HAPLN1: variants seen among roughly 807,000 people sequenced by gnomAD.
HAPLN1 encodes hyaluronan and proteoglycan link protein 1, also known as Cartilage link protein.
A neutral mutation model predicts 36.5 loss-of-function variants in HAPLN1; 13 were observed. The observed-to-expected ratio is 0.36, with a 90% CI of 0.23 to 0.57. HAPLN1 has a LOEUF of 0.57. Among genes scored for constraint, HAPLN1 ranks in the 20% least tolerant of loss-of-function variants. The pLI is 0.83. For synonymous variants in HAPLN1, 202 were observed against 169.8 expected (o/e 1.19, Z -1.48); for missense variants, 407 against 439.7 (o/e 0.93, Z 0.66).
At chr5:83,679,562 C>T (rs1421855951) in intron 1 of HAPLN1, among the ~76,000 whole-genome samples, 1 of 152,100 alleles carries the variant, frequency 6.6e-6, no homozygotes, top group Non-Finnish European at 1.5e-5. Context: ...TTTCTCTTTT[C>T]CCTATATTTC....
rs974454896 is a variant in HAPLN1 at position 83,641,645 on chromosome 5, C to T, written c.916G>A (p.Ala306Thr). The T allele has an allele frequency of 1.9e-6, 3 of 1,614,086 alleles. No individual in the cohort carries two copies. Among genetic ancestry groups the T allele is most frequent in the Non-Finnish European group, 2.5e-6 (3 of 1,180,054 alleles). ...WKILGYDRCD[A>T]GWLADGSVRY... is the part of the protein sequence containing the mutation. ...ACGCTGCCATCCGCCAACCAGCCCG[C>T]ATCACAGCGGTCATATCCGAGAATT... Residue 306 changes from alanine to threonine, a missense_variant, in exon 5 of 5, where the codon GCG (alanine) becomes ACG (threonine). Ala to Thr is a moderately conservative substitution (Grantham distance 58). Coordinates refer to ENST00000274341, the MANE Select transcript of HAPLN1 (RefSeq NM_001884.4).
chr5:83,644,314 T>C (rs976121185), intron 4 of HAPLN1, 49 bp downstream of exon 4: 2 of 1,341,210 alleles, frequency 1.5e-6, no homozygotes, highest in African/African-American at 3.0e-5. Flanking sequence ...TGTTATAGTA[T>C]GGAATAGTCT....
At chr5:83,677,994 G>A (rs1041382904) in intron 1 of HAPLN1, among the ~76,000 whole-genome samples, 1 of 152,060 alleles carries the variant, frequency 6.6e-6, no homozygotes, top group African/African-American at 2.4e-5. Flanking sequence ...GAAACTCTGG[G>A]GGATGGGGCC....
At chr5:83,688,613 C>A (rs568819925) in intron 1 of HAPLN1, among the ~76,000 whole-genome samples, 14 of 128,680 alleles carry the variant, frequency 1.1e-4, no homozygotes, top group African/African-American at 4.1e-4. Flanking sequence ...ATTTCCTGTG[C>A]TAGTATTTGC....
At chr5:83,691,753 A>G (rs1751280159) in intron 1 of HAPLN1, among the ~76,000 whole-genome samples, 1 of 151,946 alleles carries the variant, frequency 6.6e-6, no homozygotes, top group Non-Finnish European at 1.5e-5. Context: ...CAATAATAAT[A>G]GTAATAATAA....
At chr5:83,642,753 A>G (rs1324315197) in intron 4 of HAPLN1, among the ~76,000 whole-genome samples, 7 of 152,162 alleles carry the variant, frequency 4.6e-5, no homozygotes, top group Admixed American at 4.6e-4. Context: ...GACTGAGATG[A>G]TGTGATTTGG....
intron 1 of HAPLN1, among the ~76,000 whole-genome samples, chr5:83,699,038 A>G (rs1751450550): frequency 6.6e-6 from 1 of 152,204 alleles, no homozygotes. Flanking sequence ...TTTAATTCCC[A>G]TTTAGTATAT....
intron 1 of HAPLN1, among the ~76,000 whole-genome samples, chr5:83,713,041 T>C (rs952025946): frequency 2.6e-5 from 4 of 152,286 alleles, no homozygotes; most frequent in Middle Eastern, 3.4e-3. Flanking sequence ...AACTCATTTA[T>C]ATGGTAAGCT....
intron 1 of HAPLN1, chr5:83,685,979 A>T (rs1751110932): frequency 6.6e-6 from 1 of 152,054 alleles, no homozygotes; most frequent in Admixed American, 6.6e-5. Context: ...TTTCCACACA[A>T]GTTCTCGAAG....
chr5:83,715,280 A>T (rs1296552347), intron 1 of HAPLN1, among the ~76,000 whole-genome samples: 1 of 152,232 alleles, frequency 6.6e-6, no homozygotes, highest in Admixed American at 6.5e-5. Flanking sequence ...TGCATGAGTG[A>T]ACCTCATTCA....
Position 83,644,448 on chromosome 5 carries a change from G to A in HAPLN1, c.690C>T (p.Asn230=), listed in dbSNP as rs777070069. Residue 230 remains asparagine (N), a synonymous_variant, in exon 4 of 5, where the codon AAC becomes AAT. Transcript: ENST00000274341. ...TKPREPCGGQ[N]TVPGVRNYGF... The stretch of plus-strand genomic sequence containing the variant: ...CGTAGTTCCTGACTCCGGGCACTGT[G>A]TTCTGCCCCCCACAGGGCTCTCTGG... The A allele has an allele frequency of 6.2e-7, 1 of 1,613,296 alleles. No homozygotes were observed. The highest frequency in any genetic ancestry group is 1.1e-5 in the South Asian group (1 of 90,910).
chr5:83,695,322 C>T (rs191191105), intron 1 of HAPLN1, among the ~76,000 whole-genome samples: 3,409 of 151,798 alleles, frequency 0.022, 114 homozygotes, highest in African/African-American at 0.078. Context: ...GATGGGGTTT[C>T]GCCATGTTGG....
intron 1 of HAPLN1, among the ~76,000 whole-genome samples, chr5:83,704,123 A>G (rs1474016213): frequency 7.0e-6 from 1 of 143,376 alleles, no homozygotes; most frequent in East Asian, 2.1e-4. Flanking sequence ...AAAAAAAAAA[A>G]TCTTCAACCA....
intron 1 of HAPLN1, among the ~76,000 whole-genome samples, chr5:83,709,168 T>C (rs1382433114): frequency 6.6e-6 from 1 of 152,256 alleles, no homozygotes; most frequent in African/African-American, 2.4e-5. Context: ...TTTATCTTTC[T>C]AGCCATGTAT....
chr5:83,647,262 T>G (rs778091348), intron 3 of HAPLN1, among the ~76,000 whole-genome samples: 2 of 152,212 alleles, frequency 1.3e-5, no homozygotes, highest in Non-Finnish European at 2.9e-5. Flanking sequence ...AAACTTATGT[T>G]AATATTTTAG....
chr5:83,719,940 C>T (rs1751986188), intron 1 of HAPLN1, among the ~76,000 whole-genome samples: 1 of 152,160 alleles, frequency 6.6e-6, no homozygotes, highest in Non-Finnish European at 1.5e-5. Flanking sequence ...TAAAAATTCC[C>T]AAATGTACTG....
chr5:83,663,036 A>T (rs1561307379), intron 2 of HAPLN1, among the ~76,000 whole-genome samples: 1 of 152,254 alleles, frequency 6.6e-6, no homozygotes, highest in Non-Finnish European at 1.5e-5. Flanking sequence ...AACAAAAGGC[A>T]AGTCAAACAC....
intron 2 of HAPLN1, among the ~76,000 whole-genome samples, chr5:83,657,113 A>G (rs1750239696): frequency 6.7e-6 from 1 of 148,602 alleles, no homozygotes; most frequent in Non-Finnish European, 1.5e-5. Context: ...TTTTTTTTTT[A>G]AGACAGAGTT....
At chr5:83,676,913 AT>A (rs1001593826) in intron 1 of HAPLN1, among the ~76,000 whole-genome samples, 33 of 152,332 alleles carry the variant, frequency 2.2e-4, no homozygotes, top group African/African-American at 7.5e-4. Context: ...GATAATAGGA[AT>A]GTAATTTTAC....
Sources: gnomAD v4.1 joint callset for allele counts (sites outside exome capture counted in the v4.1 genomes callset) on GRCh38, gnomAD v4.1.1 for gene constraint, MANE v1.5 for transcripts, NCBI Gene and HGNC (gene_info 2026-07-23, HGNC 2026-07-21) for gene names.